NT5C2: variants seen among roughly 807,000 people sequenced by gnomAD.
NT5C2 encodes the protein 5'-nucleotidase, cytosolic II.
In NT5C2, 58 loss-of-function variants were observed where a neutral mutation model predicts 76.1. The ratio of observed to expected loss-of-function variants is 0.76; its 90% confidence interval spans 0.62 to 0.95. The LOEUF (loss-of-function observed/expected upper bound fraction) is 0.95, where lower values mean the gene tolerates loss of function less well. NT5C2 is among the 40% of genes least tolerant of loss of function. The probability of loss-of-function intolerance (pLI) is 0.00; values close to 1 mark genes in which losing one functional copy is unlikely to be tolerated. For synonymous variants in NT5C2, 229 were observed against 237.4 expected, an observed-to-expected ratio of 0.96 and a Z score of 0.32; for missense variants, 478 against 690.3, an observed-to-expected ratio of 0.69 and a Z score of 3.45.
At chr10:103,123,956 G>A (rs2076197384) in intron 4 of NT5C2, among the ~76,000 whole-genome samples, 3 of 152,096 alleles carry the variant, frequency 2.0e-5, no homozygotes, top group African/African-American at 7.2e-5. Context: ...TATTTGTGAA[G>A]GGCTTAAATA....
intron 3 of NT5C2, chr10:103,146,477 A>C (rs1336458378): frequency 2.9e-5 from 28 of 982,178 alleles, no homozygotes; most frequent in Non-Finnish European, 3.3e-5. Flanking sequence ...ACAATCAAGA[A>C]AAGAAAAAGT....
chr10:103,192,028 G>T (rs548862958), intron 1 of NT5C2, among the ~76,000 whole-genome samples: 1 of 151,402 alleles, frequency 6.6e-6, no homozygotes, highest in South Asian at 2.1e-4. Flanking sequence ...TTCAGGCCTG[G>T]ATGTCTTCAT....
intron 6 of NT5C2, among the ~76,000 whole-genome samples, chr10:103,103,809 CT>C (rs1393081676): frequency 3.3e-5 from 5 of 152,122 alleles, no homozygotes; most frequent in Admixed American, 1.3e-4. Flanking sequence ...CTTTCTTTCC[CT>C]CTATCTTCAG....
intron 3 of NT5C2, among the ~76,000 whole-genome samples, chr10:103,165,486 T>G (rs2086136952): frequency 1.4e-5 from 2 of 143,040 alleles, no homozygotes; most frequent in Admixed American, 1.4e-4. Context: ...AGAGCAAAAC[T>G]CCATCTCAAA....
At chr10:103,159,617 A>T in intron 3 of NT5C2, among the ~76,000 whole-genome samples, 1 of 151,580 alleles carries the variant, frequency 6.6e-6, no homozygotes, top group Non-Finnish European at 1.5e-5. Context: ...TCACTGTACT[A>T]CACCTTGGGT....
intron 3 of NT5C2, among the ~76,000 whole-genome samples, chr10:103,170,645 C>CCCA (rs1321666406): frequency 6.6e-6 from 1 of 151,662 alleles, no homozygotes; most frequent in East Asian, 1.9e-4. Flanking sequence ...ACCTCAGCCT[C>CCCA]CCAGGTAGCT....
chr10:103,191,859 C>A (rs1478185935), intron 1 of NT5C2, among the ~76,000 whole-genome samples: 1 of 152,090 alleles, frequency 6.6e-6, no homozygotes, highest in Non-Finnish European at 1.5e-5. Flanking sequence ...AAATGCACTT[C>A]AGAAATAAGT....
chr10:103,119,362 T>G (rs1269893034), intron 4 of NT5C2, among the ~76,000 whole-genome samples: 1 of 151,546 alleles, frequency 6.6e-6, no homozygotes, highest in Non-Finnish European at 1.5e-5. Context: ...AGAGCAAAAT[T>G]TTGTCTCCAA....
At position 103,117,599 on chromosome 10, in the gene NT5C2, A is replaced by G. The variant is rs181974028; in HGVS notation, c.176-10893T>C. On this transcript the variant is annotated intron_variant, in intron 4 of 18. Coordinates refer to ENST00000404739, the MANE Select transcript of NT5C2 (RefSeq NM_001351169.2). ...TAGTTCAAGGTTATAGTAAACTACA[A>G]TTGCACCACTGTGCTGCAGCCTGGG... Among the ~76,000 whole-genome samples, 37 of 152,346 alleles carry G rather than the reference A, an allele frequency of 2.4e-4. No homozygotes were observed. The East Asian group carries it at 5.6e-3, about 23-fold the overall frequency.
In NT5C2 at chr10:103,132,520, T is replaced by C. The variant is rs549469964; in HGVS notation, c.175+6886A>G. Among the ~76,000 whole-genome samples the C allele has an allele frequency of 2.0e-5, 3 of 152,250 alleles. No homozygotes were observed. In the South Asian group the frequency reaches 6.2e-4, roughly 32 times the overall value. On this transcript the variant is annotated intron_variant, in intron 4 of 18. Transcript: ENST00000404739. ...GAAAGGAGAACTCTCTAAATTATTT[T>C]TGTAGCTCTTCTGTAGGTCTAAAGT...
chr10:103,181,447 T>A (rs1314244552), intron 1 of NT5C2, 119 bp from the exon 2 acceptor site: 1 of 152,082 alleles, frequency 6.6e-6, no homozygotes, highest in Admixed American at 6.6e-5. Flanking sequence ...TCTAGGCAAC[T>A]GCTGAAAACA....
intron 1 of NT5C2, among the ~76,000 whole-genome samples, chr10:103,192,667 C>T (rs1415765791): frequency 6.6e-6 from 1 of 152,160 alleles, no homozygotes; most frequent in Non-Finnish European, 1.5e-5. Context: ...GGCCGTTTCT[C>T]GCGGTCCTGC....
rs1227527138 is a variant in NT5C2, at chr10:103,105,412, A to C, written c.389+294T>G. The C allele has an allele frequency of 1.3e-5, 11 of 868,768 alleles. No homozygotes were observed. Among genetic ancestry groups the C allele is most frequent in the East Asian group, 5.7e-5 (1 of 17,588 alleles). 53.8% of individuals were successfully genotyped at this position (868,768 alleles called of 1,614,324 possible). A position where few individuals can be genotyped will look rare whatever the true frequency, so the allele number is the denominator to read the frequency against. On this transcript the variant is annotated intron_variant, in intron 6 of 18. Coordinates refer to ENST00000404739, the MANE Select transcript of NT5C2 (RefSeq NM_001351169.2). ...TTAGAAAGAAGAAAATAAAAATCTTAGAATTTCAAATAAGTCAAAACTACT... is the reference window on the plus strand; with the variant it reads ...TTAGAAAGAAGAAAATAAAAATCTTCGAATTTCAAATAAGTCAAAACTACT...
intron 3 of NT5C2, among the ~76,000 whole-genome samples, chr10:103,158,112 T>G (rs997122325): frequency 1.3e-5 from 2 of 149,440 alleles, no homozygotes; most frequent in African/African-American, 4.9e-5. Context: ...CATTCACAAA[T>G]ATGTAGAAAT....
chr10:103,178,111 T>C (rs936012399), intron 2 of NT5C2, among the ~76,000 whole-genome samples: 15 of 152,244 alleles, frequency 9.9e-5, no homozygotes, highest in African/African-American at 3.4e-4. Context: ...TCACATTTCA[T>C]TCTTTCTAAT....
chr10:103,189,134 T>C (rs926774263), intron 1 of NT5C2, among the ~76,000 whole-genome samples: 2 of 152,120 alleles, frequency 1.3e-5, no homozygotes, highest in Non-Finnish European at 2.9e-5. Flanking sequence ...TATTAGCATG[T>C]TTTCATTACA....
intron 4 of NT5C2, among the ~76,000 whole-genome samples, chr10:103,111,153 A>G (rs2135416398): frequency 6.6e-6 from 1 of 152,236 alleles, no homozygotes; most frequent in Non-Finnish European, 1.5e-5. Context: ...TTCAAGCTCA[A>G]CTCTCACAAT....
intron 4 of NT5C2, among the ~76,000 whole-genome samples, chr10:103,117,061 G>A (rs970589900): frequency 1.3e-5 from 2 of 152,016 alleles, no homozygotes; most frequent in Admixed American, 1.3e-4. Flanking sequence ...TGTAACCACT[G>A]AGAAAAATTT....
chr10:103,108,167 G>C (rs952100912), intron 4 of NT5C2, among the ~76,000 whole-genome samples: 1 of 150,594 alleles, frequency 6.6e-6, no homozygotes, highest in Non-Finnish European at 1.5e-5. Flanking sequence ...AGAAAAAAAA[G>C]AAAAGAAAAG....
Sources: allele counts gnomAD v4.1 joint callset (sites outside exome capture counted in the v4.1 genomes callset), GRCh38; gene constraint gnomAD v4.1.1; transcripts MANE v1.5; gene names NCBI Gene and HGNC (gene_info 2026-07-23, HGNC 2026-07-21).